The following GLDC variants were observed in gnomAD, a reference collection of about 807,000 sequenced individuals.
GLDC encodes glycine decarboxylase, also known as glycine dehydrogenase (decarboxylating), mitochondrial.
Under a neutral mutation model 121.3 loss-of-function variants are expected in GLDC, and 104 were observed. The ratio of observed to expected loss-of-function variants is 0.86; its 90% CI spans 0.73 to 1.01. The LOEUF (loss-of-function observed/expected upper bound fraction) is 1.01, where lower values mean the gene tolerates loss of function less well. Among genes scored for constraint, GLDC ranks in the 50% least tolerant of loss-of-function variants. The pLI, the probability that GLDC is intolerant of heterozygous loss-of-function variation, is 0.00. For missense variants in GLDC, 1,429 were observed against 1,306.6 expected, an observed-to-expected ratio of 1.09 and a Z score of -1.44; for synonymous variants, 546 against 480.6, an observed-to-expected ratio of 1.14 and a Z score of -1.78.
intron 21 of GLDC, chr9:6,541,540 G>A (rs1817257563): frequency 6.6e-6 from 1 of 152,052 alleles, no homozygotes; most frequent in African/African-American, 2.4e-5. Context: ...GAAAGAGGTG[G>A]AGCTGGGCTC....
chr9:6,565,138 A>C (rs1302861820), intron 16 of GLDC, among the ~76,000 whole-genome samples: 1 of 152,332 alleles, frequency 6.6e-6, no homozygotes, highest in African/African-American at 2.4e-5. Context: ...GGTTTGAGCA[A>C]GTCTTTTATC....
Position 6,604,733 on chromosome 9 carries a change from G to C in GLDC, c.913C>G (p.Pro305Ala). 6.2e-7 allele frequency: 1 copy of C among 1,614,128 alleles called. No homozygotes were observed. The highest frequency in any genetic ancestry group is 8.5e-7 in the Non-Finnish European group (1 of 1,179,988). Residue 305 changes from proline (P) to alanine (A), a missense_variant, in exon 7 of 25, where the codon CCT (proline) becomes GCT (alanine). Physicochemically the swap from Pro to Ala is conservative, Grantham distance 27 (BLOSUM62 -1). Coordinates refer to ENST00000321612, the MANE Select transcript of GLDC (RefSeq NM_000170.3). The stretch of plus-strand genomic sequence containing the variant: ...GCGATGTCTACCCCAAATTCTCCAG[G>C]TGGCCTCAAGATGCACAAAGCTAAA... ...DLLALCILRP[P>A]GEFGVDIALG...
chr9:6,545,099 CAAAAAAAAGAAAA>C lies in GLDC; in HGVS notation c.2570-4966_2570-4954del, dbSNP rs557677333. On this transcript the variant is annotated intron_variant, in intron 21 of 24. Coordinates refer to ENST00000321612, the MANE Select transcript of GLDC (RefSeq NM_000170.3). ...GGGTAACAAGAGCGAAACTCTGTCT[CAAAAAAAAGAAAA>C]AAAAAAAAGTATCATCTTACCTGAG... is the stretch of plus-strand genomic sequence containing the variant. 3.2e-3 allele frequency among the ~76,000 whole-genome samples: 266 copies of C among 84,164 alleles called. 1 individual carries two copies. Among genetic ancestry groups the C allele is most frequent in the African/African-American group, 0.016 (243 of 14,870 alleles). 55.2% of individuals were successfully genotyped at this position (84,164 alleles called of 152,430 possible). A position where few individuals can be genotyped will look rare whatever the true frequency, so the allele number is the denominator to read the frequency against.
chr9:6,538,967 C>T (rs1427645798), intron 22 of GLDC, among the ~76,000 whole-genome samples: 1 of 152,176 alleles, frequency 6.6e-6, no homozygotes, highest in African/African-American at 2.4e-5. Context: ...ATAATAAGAT[C>T]ATTCATTCAA....
At chr9:6,560,977 G>A (rs1817745106) in intron 16 of GLDC, among the ~76,000 whole-genome samples, 1 of 152,210 alleles carries the variant, frequency 6.6e-6, no homozygotes, top group Admixed American at 6.5e-5. Flanking sequence ...ACTGAAGCAG[G>A]AAGCTCGAGC....
chr9:6,540,929 G>C (rs549637238), intron 21 of GLDC: 2 of 152,280 alleles, frequency 1.3e-5, no homozygotes, highest in South Asian at 4.2e-4. Context: ...GGCTGAGGTG[G>C]GCAGATCGTT....
intron 22 of GLDC, among the ~76,000 whole-genome samples, chr9:6,539,289 C>T (rs1395485884): frequency 1.3e-5 from 2 of 152,008 alleles, no homozygotes; most frequent in African/African-American, 2.4e-5. Context: ...ACCAGCCTGG[C>T]CAACATGGTG....
intron 2 of GLDC, among the ~76,000 whole-genome samples, chr9:6,620,848 A>G (rs1038256660): frequency 1.4e-4 from 21 of 152,272 alleles, no homozygotes; most frequent in African/African-American, 5.1e-4. Context: ...TCACTCAACA[A>G]TAGAAAATAT....
At chr9:6,538,329 T>A (rs577739581) in intron 22 of GLDC, among the ~76,000 whole-genome samples, 1 of 152,180 alleles carries the variant, frequency 6.6e-6, no homozygotes, top group African/African-American at 2.4e-5. Flanking sequence ...GCCAGGTGAT[T>A]CTGATAATTG....
At position 6,602,100 on chromosome 9, in the gene GLDC, G is replaced by A. The variant is rs994997633; in HGVS notation, c.1155+9C>T. On this transcript the variant is annotated intron_variant, in intron 8 of 24. Coordinates refer to ENST00000321612, the MANE Select transcript of GLDC (RefSeq NM_000170.3). Reference sequence around the variant, plus strand: ...GGCATTCAGTAGTCAGGTCAGACGTGTGATTTACCTGAGCTGTACAGATGT... The same window carrying A: ...GGCATTCAGTAGTCAGGTCAGACGTATGATTTACCTGAGCTGTACAGATGT... The A allele has an allele frequency of 2.6e-6, 4 of 1,538,276 alleles. No homozygotes were observed. Among genetic ancestry groups the A allele is most frequent in the East Asian group, 4.5e-5 (2 of 44,596 alleles).
intron 2 of GLDC, among the ~76,000 whole-genome samples, chr9:6,638,985 G>A (rs1231233141): frequency 6.6e-6 from 1 of 151,660 alleles, no homozygotes; most frequent in African/African-American, 2.4e-5. Flanking sequence ...CTCTAGCCTG[G>A]GCAACAGAGC....
intron 3 of GLDC, among the ~76,000 whole-genome samples, chr9:6,612,909 A>G (rs2129926255): frequency 6.6e-6 from 1 of 152,036 alleles, no homozygotes. Flanking sequence ...TGAGGCTGCA[A>G]TGAGCCATGA....
At chr9:6,585,701 G>C (rs948612705) in intron 15 of GLDC, among the ~76,000 whole-genome samples, 1 of 152,174 alleles carries the variant, frequency 6.6e-6, no homozygotes, top group African/African-American at 2.4e-5. Context: ...TGAGGCTGCT[G>C]GTAGAGAACT....
chr9:6,644,462 C>T (rs1819697495), intron 2 of GLDC, 152 bp downstream of exon 2: 5 of 681,498 alleles, frequency 7.3e-6, no homozygotes, highest in African/African-American at 3.6e-5. Context: ...CCCACCTTCC[C>T]GCGGCTCCGG....
At chr9:6,627,421 A>G (rs1309658769) in intron 2 of GLDC, among the ~76,000 whole-genome samples, 2 of 152,098 alleles carry the variant, frequency 1.3e-5, no homozygotes, top group Non-Finnish European at 2.9e-5. Flanking sequence ...ATAAATATAT[A>G]CTCTAGTCTC....
intron 8 of GLDC, among the ~76,000 whole-genome samples, chr9:6,600,834 G>A (rs1264781980): frequency 6.6e-6 from 1 of 152,100 alleles, no homozygotes; most frequent in African/African-American, 2.4e-5. Flanking sequence ...CCAGAACCCT[G>A]GTCAGAACCC....
At chr9:6,571,526 C>T (rs1360975118) in intron 15 of GLDC, among the ~76,000 whole-genome samples, 2 of 152,136 alleles carry the variant, frequency 1.3e-5, no homozygotes, top group East Asian at 3.8e-4. Context: ...TGTACGATTT[C>T]ACTGTTCCTT....
chr9:6,558,188 T>C, intron 17 of GLDC: 2 of 485,656 alleles, frequency 4.1e-6, no homozygotes, highest in Non-Finnish European at 7.4e-6. Flanking sequence ...TCATGGATAT[T>C]TGCAAAGCTG....
intron 8 of GLDC, among the ~76,000 whole-genome samples, chr9:6,600,280 A>G (rs1306470332): frequency 6.6e-6 from 1 of 151,942 alleles, no homozygotes; most frequent in African/African-American, 2.4e-5. Context: ...AGACCGGAGA[A>G]TAATTTGAGC....
Sources: allele counts gnomAD v4.1 joint callset (sites outside exome capture counted in the v4.1 genomes callset), GRCh38; gene constraint gnomAD v4.1.1; transcripts MANE v1.5; gene names NCBI Gene and HGNC (gene_info 2026-07-23, HGNC 2026-07-21).